SCAPER: variants seen among roughly 807,000 people sequenced by gnomAD.
SCAPER encodes the protein S-phase cyclin A associated protein in the ER.
SCAPER carries 98 observed loss-of-function variants against 182.2 expected under a neutral mutation model. The ratio of observed to expected loss-of-function variants is 0.54; its 90% CI spans 0.46 to 0.64. The LOEUF (loss-of-function observed/expected upper bound fraction) is 0.64. Ranked by LOEUF, SCAPER falls within the 30% of genes least tolerant of loss-of-function variation. The pLI, the probability that SCAPER is intolerant of heterozygous loss-of-function variation, is 0.00. For missense variants in SCAPER, 1,432 were observed against 1,690.0 expected (o/e 0.85, Z 2.68); for synonymous variants, 605 against 564.6 (o/e 1.07, Z -1.01).
At chr15:76,532,435 C>G (rs1396575524) in intron 23 of SCAPER, among the ~76,000 whole-genome samples, 1 of 151,744 alleles carries the variant, frequency 6.6e-6, no homozygotes, top group Non-Finnish European at 1.5e-5. Context: ...CTCCCGAGCT[C>G]AAATGATCCT....
At chr15:76,786,116 G>A (rs1235434021) in intron 8 of SCAPER, among the ~76,000 whole-genome samples, 1 of 151,888 alleles carries the variant, frequency 6.6e-6, no homozygotes, top group Non-Finnish European at 1.5e-5. Context: ...ATCACAAGGT[G>A]AGGAGTTTGA....
At chr15:76,560,427 T>A (rs1332475800) in intron 23 of SCAPER, among the ~76,000 whole-genome samples, 3 of 146,688 alleles carry the variant, frequency 2.0e-5, no homozygotes, top group Non-Finnish European at 4.6e-5. Context: ...GCCTACTGAT[T>A]GCAATATTTC....
intron 24 of SCAPER, among the ~76,000 whole-genome samples, chr15:76,478,738 C>T (rs1197059860): frequency 6.6e-6 from 1 of 152,088 alleles, no homozygotes; most frequent in Non-Finnish European, 1.5e-5. Flanking sequence ...TGATAACTAT[C>T]TATCATCGTG....
chr15:76,824,884 G>A (rs2067868578), intron 5 of SCAPER, among the ~76,000 whole-genome samples: 2 of 152,120 alleles, frequency 1.3e-5, no homozygotes, highest in East Asian at 3.8e-4. Flanking sequence ...AATAAAATTT[G>A]TAGTTGCCTG....
chr15:76,841,547 T>C (rs752113394), intron 5 of SCAPER, among the ~76,000 whole-genome samples, 187 bp downstream of exon 5: 5 of 151,960 alleles, frequency 3.3e-5, no homozygotes, highest in Non-Finnish European at 7.4e-5. Flanking sequence ...CTCAGGAGGC[T>C]AAGGCAGGAG....
intron 26 of SCAPER, among the ~76,000 whole-genome samples, chr15:76,406,341 G>C (rs1302781294): frequency 6.6e-6 from 1 of 152,066 alleles, no homozygotes; most frequent in Non-Finnish European, 1.5e-5. Flanking sequence ...AGCCAGGCAT[G>C]GTGGCTGGAA....
intron 20 of SCAPER, among the ~76,000 whole-genome samples, chr15:76,691,599 C>A (rs2058362706): frequency 6.6e-6 from 1 of 152,062 alleles, no homozygotes; most frequent in African/African-American, 2.4e-5. Flanking sequence ...TCAATAAATT[C>A]TTGGAATATA....
intron 27 of SCAPER, among the ~76,000 whole-genome samples, chr15:76,395,787 T>G (rs1567053696): frequency 6.6e-6 from 1 of 152,298 alleles, no homozygotes; most frequent in East Asian, 1.9e-4. Context: ...ATTTTCTCTC[T>G]TCTGTGGATT....
Position 76,823,857 on chromosome 15 carries a change from C to CA in SCAPER, c.393+17876dup, listed in dbSNP as rs1206851966. Among the ~76,000 whole-genome samples the CA allele has an allele frequency of 2.7e-5, 4 of 150,332 alleles. No individual in the cohort carries two copies. The East Asian group carries it at 7.8e-4, about 29-fold the overall frequency. ...TCACCTACATTAAGGTACAAAAAGA[C>CA]AACTCAGAATAATTTACTTCAGAAG... On this transcript the variant is annotated intron_variant, in intron 5 of 31. Transcript: ENST00000563290.
intron 24 of SCAPER, among the ~76,000 whole-genome samples, chr15:76,477,425 A>G (rs930463460): frequency 6.6e-6 from 1 of 152,224 alleles, no homozygotes; most frequent in East Asian, 1.9e-4. Context: ...GATGCTGTGC[A>G]GGTTAACAGC....
In SCAPER at chr15:76,733,875, C is replaced by T. The variant is rs185451650; in HGVS notation, c.1867-491G>A. On this transcript the variant is annotated intron_variant, in intron 15 of 31. Coordinates refer to ENST00000563290, the MANE Select transcript of SCAPER (RefSeq NM_020843.4). Reference sequence around the variant, plus strand: ...TATTGGTCTTTTCTTTCAATATTTACCTCAAAATGGATAATAATCCAGTGT... The same window carrying T: ...TATTGGTCTTTTCTTTCAATATTTATCTCAAAATGGATAATAATCCAGTGT... Among the ~76,000 whole-genome samples, 366 of 152,120 alleles carry T rather than the reference C, an allele frequency of 2.4e-3. 2 individuals carry two copies. Among genetic ancestry groups the T allele is most frequent in the African/African-American group, 8.4e-3 (347 of 41,504 alleles).
chr15:76,557,645 C>A (rs2145078459), intron 23 of SCAPER, among the ~76,000 whole-genome samples: 1 of 152,244 alleles, frequency 6.6e-6, no homozygotes, highest in East Asian at 1.9e-4. Flanking sequence ...TATAAGTTTC[C>A]TGAGGCCTCC....
chr15:76,728,886 A>G (rs996407163), intron 16 of SCAPER, 149 bp from the exon 17 acceptor site: 3 of 796,396 alleles, frequency 3.8e-6, no homozygotes, highest in African/African-American at 3.5e-5. Flanking sequence ...AAGTTTAAAC[A>G]AAAATCAAAT....
At chr15:76,379,344 A>G (rs1259501584) in intron 28 of SCAPER, among the ~76,000 whole-genome samples, 1 of 152,228 alleles carries the variant, frequency 6.6e-6, no homozygotes, top group East Asian at 1.9e-4. Context: ...ATAGAGTTGC[A>G]TGAGAAGAAG....
intron 23 of SCAPER, among the ~76,000 whole-genome samples, chr15:76,572,911 T>A (rs868173879): frequency 0.024 from 2,650 of 108,934 alleles, 36 homozygotes; most frequent in African/African-American, 0.067. Context: ...TCTCTCTCTC[T>A]CTCTCTCTCA....
In SCAPER at chr15:76,821,527, T is replaced by C. The variant is rs533432588; in HGVS notation, c.394-16894A>G. ...GTCCCAGCTACTAGAGAGGCTGAGG[T>C]TGGGGGGGATCACTTGAGCCTGGGA... is the stretch of plus-strand genomic sequence containing the variant. On this transcript the variant is annotated intron_variant, in intron 5 of 31. Transcript: ENST00000563290. Among the ~76,000 whole-genome samples, 3 of 151,902 alleles carry C rather than the reference T, an allele frequency of 2.0e-5. No individual in the cohort carries two copies. The East Asian group carries it at 5.8e-4, about 29-fold the overall frequency.
chr15:76,767,317 G>T (rs1455623750), intron 10 of SCAPER, among the ~76,000 whole-genome samples: 2 of 152,064 alleles, frequency 1.3e-5, no homozygotes, highest in Non-Finnish European at 2.9e-5. Context: ...AATAATCAAT[G>T]ACTTGCCTTA....
chr15:76,823,065 T>A (rs1449643424), intron 5 of SCAPER, among the ~76,000 whole-genome samples: 38 of 152,252 alleles, frequency 2.5e-4, no homozygotes. Flanking sequence ...TCATTTGTAT[T>A]ATAAATGCAT....
chr15:76,512,007 C>T (rs1257542900), intron 23 of SCAPER, among the ~76,000 whole-genome samples: 1 of 151,342 alleles, frequency 6.6e-6, no homozygotes, highest in African/African-American at 2.4e-5. Flanking sequence ...CTCAGCCTCC[C>T]GGGTAGCTGG....
Sources: allele counts gnomAD v4.1 joint callset (sites outside exome capture counted in the v4.1 genomes callset), GRCh38; gene constraint gnomAD v4.1.1; transcripts MANE v1.5; gene names NCBI Gene and HGNC (gene_info 2026-07-23, HGNC 2026-07-21).